The following PTBP2 variants were observed in gnomAD, a reference collection of about 807,000 sequenced individuals.
PTBP2 encodes polypyrimidine tract binding protein 2.
In PTBP2, 13 loss-of-function variants were observed where a neutral mutation model predicts 61.4. The observed-to-expected ratio is 0.21, with a 90% CI of 0.14 to 0.34. PTBP2 has a LOEUF of 0.34. PTBP2 is among the 10% of genes least tolerant of loss of function. The probability of loss-of-function intolerance (pLI) is 1.00; values close to 1 mark genes in which losing one functional copy is unlikely to be tolerated. For synonymous variants in PTBP2, 215 were observed against 218.5 expected (o/e 0.98, Z 0.14); for missense variants, 405 against 642.6 (o/e 0.63, Z 4.00).
At chr1:96,728,598 G>A (rs1265452673) in intron 2 of PTBP2, among the ~76,000 whole-genome samples, 1 of 152,096 alleles carries the variant, frequency 6.6e-6, no homozygotes, top group Non-Finnish European at 1.5e-5. Flanking sequence ...TTTATATTGA[G>A]TCTTGAAACC....
chr1:96,722,122 G>A (rs1649661666), intron 1 of PTBP2, among the ~76,000 whole-genome samples: 1 of 152,194 alleles, frequency 6.6e-6, no homozygotes. Flanking sequence ...GGATCCCGGA[G>A]TGGGAGCGGG....
Position 96,791,826 on chromosome 1 carries a change from C to CTTTTTTTTGTTTTTTTTTTGTT in PTBP2, c.904+6580_904+6581insGTTTTTTTTTTGTTTTTTTTTT, listed in dbSNP as rs1482989030. 1.9e-3 allele frequency among the ~76,000 whole-genome samples: 127 copies of CTTTTTTTTGTTTTTTTTTTGTT among 66,110 alleles called. 3 individuals carry two copies. The highest frequency in any genetic ancestry group is 3.0e-3 in the African/African-American group (37 of 12,206). The allele number at this position is 66,110 out of a possible 152,430, so 43.4% of individuals were successfully genotyped here. ...TCCACCTCTGTTGCTTGGAGTTGTG[C>CTTTTTTTTGTTTTTTTTTTGTT]TTTTTTTTTTTTTTTTTTTTTTTGA... On this transcript the variant is annotated intron_variant, in intron 8 of 13. Coordinates refer to ENST00000674951, the MANE Select transcript of PTBP2 (RefSeq NM_021190.4).
intron 3 of PTBP2, among the ~76,000 whole-genome samples, chr1:96,758,483 T>C (rs1655411475): frequency 6.6e-6 from 1 of 152,076 alleles, no homozygotes; most frequent in African/African-American, 2.4e-5. Flanking sequence ...TTAACCTAAA[T>C]GCATATATTC....
chr1:96,757,699 A>G (rs1206845222), intron 3 of PTBP2, among the ~76,000 whole-genome samples: 1 of 152,214 alleles, frequency 6.6e-6, no homozygotes, highest in African/African-American at 2.4e-5. Context: ...AAATAACTCA[A>G]TAAATTTCAA....
intron 8 of PTBP2, among the ~76,000 whole-genome samples, chr1:96,796,416 T>A (rs1660396851): frequency 6.6e-6 from 1 of 151,942 alleles, no homozygotes; most frequent in Non-Finnish European, 1.5e-5. Flanking sequence ...GAAGAACAGA[T>A]GAAAGAAGTG....
At chr1:96,822,197 T>C (rs986650581) in exon 14 of PTBP2, 5 of 152,188 alleles carry the variant, frequency 3.3e-5, no homozygotes, top group African/African-American at 1.2e-4. Context: ...GGAGGAACTA[T>C]TGGGTGTTAT....
chr1:96,745,540 T>C (rs933356860), intron 2 of PTBP2, among the ~76,000 whole-genome samples: 2 of 152,206 alleles, frequency 1.3e-5, no homozygotes, highest in Non-Finnish European at 2.9e-5. Flanking sequence ...TTTTTCAATA[T>C]GGATTTTTCA....
chr1:96,806,891 G>T lies in PTBP2; in HGVS notation c.1104G>T (p.Val368=). The T allele has an allele frequency of 6.2e-7, 1 of 1,611,664 alleles. No homozygotes were observed. The highest frequency in any genetic ancestry group is 8.5e-7 in the Non-Finnish European group (1 of 1,179,352). Residue 368 remains valine (V), a synonymous_variant, in exon 11 of 14, where the codon GTG becomes GTT. Transcript: ENST00000674951. ...LFGVYGDVQR[V]KILYNKKDSA... ...GTGTTTATGGAGATGTGCAGCGTGTGAAGATTTTATACAATAAGAAAGACA... is the reference window on the plus strand; with the variant it reads ...GTGTTTATGGAGATGTGCAGCGTGTTAAGATTTTATACAATAAGAAAGACA...
At chr1:96,779,806 A>G (rs1658448338) in intron 7 of PTBP2, among the ~76,000 whole-genome samples, 1 of 152,112 alleles carries the variant, frequency 6.6e-6, no homozygotes, top group Non-Finnish European at 1.5e-5. Flanking sequence ...CATTTTTGAT[A>G]ACTACAGTAA....
At chr1:96,727,997 A>AT (rs1306106271) in intron 2 of PTBP2, among the ~76,000 whole-genome samples, 58 of 150,904 alleles carry the variant, frequency 3.8e-4, no homozygotes, top group African/African-American at 1.4e-3. Context: ...AATAATAATA[A>AT]TTTTTTTTTA....
chr1:96,804,395 G>A (rs747760955), intron 8 of PTBP2, among the ~76,000 whole-genome samples: 13 of 151,048 alleles, frequency 8.6e-5, no homozygotes, highest in Admixed American at 1.3e-4. Context: ...TAGCACTTGC[G>A]GAAAAAAGTG....
At position 96,721,844 on chromosome 1, in the gene PTBP2, G is replaced by A. The variant is rs766539552; in HGVS notation, c.-21G>A. ...GCTGCGTGGCTCGGTTCTTGTGAGC[G>A]AAGCTTTGTCCGGTTCGGCAATGGA... is the stretch of plus-strand genomic sequence containing the variant. On this transcript the variant is annotated 5_prime_UTR_variant, in exon 1 of 14. Transcript: ENST00000674951. The A allele has an allele frequency of 1.2e-5, 19 of 1,564,536 alleles. No individual in the cohort carries two copies. The East Asian group carries it at 4.5e-4, about 37-fold the overall frequency.
intron 4 of PTBP2, 76 bp downstream of exon 4, chr1:96,769,951 A>G: frequency 8.7e-7 from 1 of 1,152,240 alleles, no homozygotes; most frequent in East Asian, 2.7e-5. Flanking sequence ...TAAAAGGGAG[A>G]AAATAGTAGG....
In PTBP2 at chr1:96,742,003, G is replaced by T. The variant is rs79968869; in HGVS notation, c.40-9422G>T. 1.2e-3 allele frequency among the ~76,000 whole-genome samples: 187 copies of T among 152,244 alleles called. No individual in the cohort carries two copies. In the East Asian group the frequency reaches 0.035, roughly 28 times the overall value. ...TAAGTTTTGGAATCTTGTACAGTGA[G>T]TGTCAAAACTTTGTTTTTCAAAATT... On this transcript the variant is annotated intron_variant, in intron 2 of 13. Transcript: ENST00000674951.
intron 2 of PTBP2, among the ~76,000 whole-genome samples, chr1:96,742,831 G>C (rs944096141): frequency 6.6e-6 from 1 of 152,074 alleles, no homozygotes; most frequent in Non-Finnish European, 1.5e-5. Context: ...ATATCAGAAT[G>C]TGTGTCTCTC....
At chr1:96,748,038 C>T (rs1654071144) in intron 2 of PTBP2, among the ~76,000 whole-genome samples, 1 of 151,986 alleles carries the variant, frequency 6.6e-6, no homozygotes, top group African/African-American at 2.4e-5. Context: ...TTGGTGGCAC[C>T]TCTGTTTAAG....
chr1:96,798,270 G>T lies in PTBP2; in HGVS notation c.905-6530G>T, dbSNP rs542263106. Among the ~76,000 whole-genome samples the T allele has an allele frequency of 5.9e-5, 9 of 152,038 alleles. No homozygotes were observed. In the South Asian group the frequency reaches 1.9e-3, roughly 32 times the overall value. On this transcript the variant is annotated intron_variant, in intron 8 of 13. Transcript: ENST00000674951. ...AAAATACAAATATTAGCCAGGTGTG[G>T]TGGTGGGCGCCTGTAATCTTAGCTA...
rs780349214 is a variant in PTBP2 at position 96,812,948 on chromosome 1, T to A, written c.1388+20T>A. On this transcript the variant is annotated intron_variant, in intron 12 of 13. Coordinates refer to ENST00000674951, the MANE Select transcript of PTBP2 (RefSeq NM_021190.4). ...TATCCCGTAAGTATATAAGCTAGAG[T>A]GTATTGAGATACATTCTATTTTGAT... 1 of 1,593,646 alleles carries A rather than the reference T, an allele frequency of 6.3e-7. No homozygotes were observed.
intron 2 of PTBP2, among the ~76,000 whole-genome samples, chr1:96,746,371 A>G (rs1653767319): frequency 6.6e-6 from 1 of 152,120 alleles, no homozygotes; most frequent in Non-Finnish European, 1.5e-5. Flanking sequence ...TTTGGTGTGT[A>G]GTATATTCTC....
Sources: gnomAD v4.1 joint callset for allele counts (sites outside exome capture counted in the v4.1 genomes callset) on GRCh38, gnomAD v4.1.1 for gene constraint, MANE v1.5 for transcripts, NCBI Gene and HGNC (gene_info 2026-07-23, HGNC 2026-07-21) for gene names.